The following SRP14 variants were observed in gnomAD, a reference collection of about 807,000 sequenced individuals.
SRP14 encodes the protein signal recognition particle 14, also known as signal recognition particle 14 kDa protein.
Under a neutral mutation model 16.0 loss-of-function variants are expected in SRP14, and 1 was observed. That is an observed-to-expected ratio of 0.06 (90% CI 0.02 to 0.30). SRP14 has a LOEUF of 0.30. Ranked by LOEUF, SRP14 falls within the 10% of genes least tolerant of loss-of-function variation. SRP14 has a pLI of 1.00. For missense variants in SRP14, 120 were observed against 163.1 expected, an observed-to-expected ratio of 0.74 and a Z score of 1.44; for synonymous variants, 67 against 60.1, an observed-to-expected ratio of 1.12 and a Z score of -0.53.
chr15:40,039,127 C>G lies in SRP14; in HGVS notation c.-11G>C. 1 of 1,610,028 alleles carries G rather than the reference C, an allele frequency of 6.2e-7. No individual in the cohort carries two copies. Among genetic ancestry groups the G allele is most frequent in the Non-Finnish European group, 8.5e-7 (1 of 1,178,828 alleles). ...CTCCAACAACACCATCGCGGCGACG[C>G]TGGCTCGACTCCCTCCGCTTAAGCC... On this transcript the variant is annotated 5_prime_UTR_variant, in exon 1 of 5. Transcript: ENST00000267884.
At chr15:40,037,328 A>T in intron 3 of SRP14, 1 of 1,306,020 alleles carries the variant, frequency 7.7e-7, no homozygotes, top group Non-Finnish European at 9.9e-7. Context: ...TCCCTTAGAA[A>T]GGTGGCATTG....
chr15:40,036,102 A>T lies in SRP14; in HGVS notation c.*231T>A. 1.6e-6 allele frequency: 1 copy of T among 631,474 alleles called. No individual in the cohort carries two copies. Among genetic ancestry groups the T allele is most frequent in the Non-Finnish European group, 2.6e-6 (1 of 383,666 alleles). The allele number at this position is 631,474 out of a possible 1,614,324, so 39.1% of individuals were successfully genotyped here. On this transcript the variant is annotated 3_prime_UTR_variant, in exon 5 of 5. Transcript: ENST00000267884. ...ACAGAGATGTCTACAGAGACTTTTAATCTATAATCCAGGAGTATATAACCA... is the reference window on the plus strand; with the variant it reads ...ACAGAGATGTCTACAGAGACTTTTATTCTATAATCCAGGAGTATATAACCA...
chr15:40,037,726 C>T (rs1414487291), intron 3 of SRP14, among the ~76,000 whole-genome samples: 7 of 152,070 alleles, frequency 4.6e-5, no homozygotes, highest in African/African-American at 1.7e-4. Flanking sequence ...TAAGTATAGT[C>T]TACATTTTCA....
chr15:40,038,694 C>T (rs1164304404), intron 2 of SRP14, 182 bp downstream of exon 2: 1 of 668,596 alleles, frequency 1.5e-6, no homozygotes, highest in Non-Finnish European at 2.5e-6. Context: ...ACCTAGGCGG[C>T]TCAGTGCTGG....
At chr15:40,037,189 C>T (rs1156730221) in intron 3 of SRP14, 171 bp from the exon 4 acceptor site, 1 of 1,213,128 alleles carries the variant, frequency 8.2e-7, no homozygotes, top group Admixed American at 3.5e-5. Flanking sequence ...ACTCTACTTT[C>T]CTCTGCCTAG....
chr15:40,038,622 C>T, intron 2 of SRP14: 1 of 607,446 alleles, frequency 1.6e-6, no homozygotes, highest in Non-Finnish European at 2.9e-6. Flanking sequence ...CTCAAAGTGG[C>T]GGCGTCTGGG....
intron 2 of SRP14, 196 bp downstream of exon 2, chr15:40,038,680 A>C (rs904494828): frequency 9.4e-6 from 6 of 639,058 alleles, no homozygotes; most frequent in Non-Finnish European, 2.7e-6. Flanking sequence ...TGTTACCAGA[A>C]GCAACCTAGG....
chr15:40,037,782 AAAG>A (rs978002194), intron 3 of SRP14, among the ~76,000 whole-genome samples: 20 of 152,360 alleles, frequency 1.3e-4, no homozygotes, highest in African/African-American at 4.8e-4. Flanking sequence ...ACAGCAGAAT[AAAG>A]TAGTATTCAC....
In SRP14 at chr15:40,039,074, CG is replaced by C; in HGVS notation, c.24+18del. 6.2e-7 allele frequency: 1 copy of C among 1,608,288 alleles called. No homozygotes were observed. The highest frequency in any genetic ancestry group is 8.5e-7 in the Non-Finnish European group (1 of 1,178,116). Reference sequence around the variant, plus strand: ...GCCTGAGCCGCCCCCTTCCCTCGGCCGGCCAGGCCTAGCCATACCTGCTCGC... The same window carrying C: ...GCCTGAGCCGCCCCCTTCCCTCGGCCGCCAGGCCTAGCCATACCTGCTCGC... On this transcript the variant is annotated intron_variant, in intron 1 of 4. Transcript: ENST00000267884.
At chr15:40,038,590 T>C (rs2035668080) in intron 2 of SRP14, 196 bp from the exon 3 acceptor site, 4 of 608,856 alleles carry the variant, frequency 6.6e-6, no homozygotes, top group Non-Finnish European at 1.2e-5. Context: ...AAACATGTAA[T>C]ATCGAAGCAC....
At chr15:40,037,294 A>AAAAAAAAAAAAAAG in intron 3 of SRP14, 3 of 1,352,532 alleles carry the variant, frequency 2.2e-6, no homozygotes, top group Non-Finnish European at 2.9e-6. Flanking sequence ...AAAAAAAAAA[A>AAAAAAAAAAAAAAG]GCTTTGTTTC....
In SRP14 at chr15:40,038,294, C is replaced by T; in HGVS notation, c.198G>A (p.Lys66=). The change falls in exon 3 of 5, where the codon AAG becomes AAA. Residue 66 remains lysine (K), a synonymous_variant. Coordinates refer to ENST00000267884, the MANE Select transcript of SRP14 (RefSeq NM_003134.6). ...AAATTAAGCTCACCACAGTGCTGAT[C>T]TTCTTCTTCCCATCGGTAGCTCTTA... ...CLLRATDGKK[K]ISTVVSSKEV... 6.2e-7 allele frequency: 1 copy of T among 1,612,808 alleles called. No individual in the cohort carries two copies. The highest frequency in any genetic ancestry group is 1.1e-5 in the South Asian group (1 of 91,054).
intron 2 of SRP14, 90 bp from the exon 3 acceptor site, chr15:40,038,484 T>C: frequency 1.1e-6 from 1 of 890,558 alleles, no homozygotes; most frequent in Non-Finnish European, 1.9e-6. Context: ...GGGTAAGTGA[T>C]GACCTAACCC....
chr15:40,037,279 G>GGAGAAAAAAAAAAAAA (rs1555424355), intron 3 of SRP14: 1 of 566,920 alleles, frequency 1.8e-6, no homozygotes, highest in African/African-American at 3.1e-5. Flanking sequence ...TCCTTTTGGG[G>GGAGAAAAAAAAAAAAA]AAAAAAAAAA....
rs555450972 is a variant in SRP14 at position 40,035,901 on chromosome 15, A to G, written c.*432T>C. The G allele has an allele frequency of 6.3e-6, 1 of 157,552 alleles. No homozygotes were observed. Among genetic ancestry groups the G allele is most frequent in the Admixed American group, 6.4e-5 (1 of 15,746 alleles). The allele number at this position is 157,552 out of a possible 1,614,324, so 9.8% of individuals were successfully genotyped here. On this transcript the variant is annotated 3_prime_UTR_variant, in exon 5 of 5. Transcript: ENST00000267884. ...AGCTCATGAGATAACATGACTTTTT[A>G]TAAAACTGTCAGGTTTCAATTCTAA...
intron 1 of SRP14, 44 bp from the exon 2 acceptor site, chr15:40,038,992 T>G: frequency 6.2e-7 from 1 of 1,605,234 alleles, no homozygotes; most frequent in African/African-American, 1.3e-5. Context: ...CCCCAAATCC[T>G]CGTCCTGCCG....
chr15:40,038,476 G>GT (rs1336952485), intron 2 of SRP14, 82 bp from the exon 3 acceptor site: 38 of 969,948 alleles, frequency 3.9e-5, no homozygotes, highest in Non-Finnish European at 5.7e-5. Flanking sequence ...GAGGAGTGGG[G>GT]TAAGTGATGA....
Position 40,039,125 on chromosome 15 carries a change from C to T in SRP14, c.-9G>A, listed in dbSNP as rs202132571. 2.8e-4 allele frequency: 443 copies of T among 1,610,164 alleles called. 1 individual carries two copies. Among genetic ancestry groups the T allele is most frequent in the Non-Finnish European group, 3.5e-4 (418 of 1,178,892 alleles). On this transcript the variant is annotated 5_prime_UTR_variant, in exon 1 of 5. Coordinates refer to ENST00000267884, the MANE Select transcript of SRP14 (RefSeq NM_003134.6). Reference sequence around the variant, plus strand: ...CTCTCCAACAACACCATCGCGGCGACGCTGGCTCGACTCCCTCCGCTTAAG... The same window carrying T: ...CTCTCCAACAACACCATCGCGGCGATGCTGGCTCGACTCCCTCCGCTTAAG...
At position 40,039,110 on chromosome 15, in the gene SRP14, A is replaced by T. The variant is rs776220548; in HGVS notation, c.7T>A (p.Leu3Met). The part of the protein sequence containing the change: MV[L>M]LESEQFLTEL... ...AGCCATACCTGCTCGCTCTCCAACAACACCATCGCGGCGACGCTGGCTCGA... is the reference window on the plus strand; with the variant it reads ...AGCCATACCTGCTCGCTCTCCAACATCACCATCGCGGCGACGCTGGCTCGA... The change falls in exon 1 of 5, where the codon TTG (leucine) becomes ATG (methionine). Residue 3 changes from leucine to methionine, a missense_variant. Around this residue, in one of 3 missense-constraint regions of SRP14, gnomAD observed 33 missense variants for 33.0 expected, o/e 1.00. Transcript: ENST00000267884. 6.2e-7 allele frequency: 1 copy of T among 1,612,348 alleles called. No individual in the cohort carries two copies. The highest frequency in any genetic ancestry group is 1.1e-5 in the South Asian group (1 of 90,784).
Sources: allele counts gnomAD v4.1 joint callset (sites outside exome capture counted in the v4.1 genomes callset), GRCh38; gene constraint gnomAD v4.1.1; regional missense constraint gnomAD v4.1.1; transcripts MANE v1.5; gene names NCBI Gene and HGNC (gene_info 2026-07-23, HGNC 2026-07-21).